The following MAP3K1 variants were observed in gnomAD, a reference collection of about 807,000 sequenced individuals.
MAP3K1 encodes the protein MAP/ERK kinase kinase 1.
In MAP3K1, 36 loss-of-function variants were observed where a neutral mutation model predicts 144.2. The observed-to-expected ratio is 0.25, with a 90% CI of 0.19 to 0.33. MAP3K1 has a LOEUF of 0.33. MAP3K1 is among the 10% of genes least tolerant of loss of function. The pLI, the probability that MAP3K1 is intolerant of heterozygous loss-of-function variation, is 1.00. For missense variants in MAP3K1, 1,650 were observed against 1,881.9 expected, an observed-to-expected ratio of 0.88 and a Z score of 2.28; for synonymous variants, 718 against 688.7, an observed-to-expected ratio of 1.04 and a Z score of -0.67.
chr5:56,895,230 T>G lies in MAP3K1; in HGVS notation c.*1550T>G, dbSNP rs898385826. 4.3e-6 allele frequency: 1 copy of G among 232,216 alleles called. No individual in the cohort carries two copies. The highest frequency in any genetic ancestry group is 2.2e-5 in the African/African-American group (1 of 45,316). The allele number at this position is 232,216 out of a possible 1,614,324, so 14.4% of individuals were successfully genotyped here. A position where few individuals can be genotyped will look rare whatever the true frequency, so the allele number is the denominator to read the frequency against. ...TTTTTAAAAGGCAGTTTGTTTTTTA[T>G]GTGAATATGTTTCTTAGTGAAATTT... On this transcript the variant is annotated 3_prime_UTR_variant, in exon 20 of 20. Coordinates refer to ENST00000399503, the MANE Select transcript of MAP3K1 (RefSeq NM_005921.2).
At chr5:56,875,451 G>A in intron 10 of MAP3K1, 141 bp downstream of exon 10, 2 of 851,156 alleles carry the variant, frequency 2.3e-6, no homozygotes, top group Non-Finnish European at 3.7e-6. Flanking sequence ...ATAATTCCAG[G>A]AAATTACAGC....
intron 10 of MAP3K1, among the ~76,000 whole-genome samples, chr5:56,876,987 C>A (rs1373646835): frequency 6.6e-6 from 1 of 152,176 alleles, no homozygotes; most frequent in Admixed American, 6.5e-5. Flanking sequence ...GATTGGTGAA[C>A]ACTGGATTAC....
chr5:56,821,079 G>A (rs1581203636), intron 1 of MAP3K1, among the ~76,000 whole-genome samples: 1 of 152,200 alleles, frequency 6.6e-6, no homozygotes, highest in East Asian at 1.9e-4. Flanking sequence ...AACTCTACTA[G>A]TTACGAAAAC....
chr5:56,829,349 A>AT (rs70999027), intron 1 of MAP3K1, among the ~76,000 whole-genome samples: 78,104 of 130,340 alleles, frequency 0.6, 25,177 homozygotes, highest in Non-Finnish European at 0.73. Flanking sequence ...TGCCCGGCAA[A>AT]TTTTTTTTTT....
rs372407041 is a variant in MAP3K1, at chr5:56,880,664, G to A, written c.2088-47G>A. The A allele has an allele frequency of 3.8e-6, 5 of 1,302,928 alleles. No homozygotes were observed. In the African/African-American group the frequency reaches 5.8e-5, roughly 15 times the overall value. 80.7% of individuals were successfully genotyped at this position (1,302,928 alleles called of 1,614,324 possible). ...CATTACTCCTCTAATATTGTATAGT[G>A]TTTTAGCCAAGATCCAGGATTGATG... On this transcript the variant is annotated intron_variant, in intron 11 of 19. Coordinates refer to ENST00000399503, the MANE Select transcript of MAP3K1 (RefSeq NM_005921.2).
At chr5:56,862,225 C>G (rs2111882792) in intron 3 of MAP3K1, 1 of 152,370 alleles carries the variant, frequency 6.6e-6, no homozygotes. Flanking sequence ...GTTGGCATCT[C>G]TTCCTCCTAG....
intron 3 of MAP3K1, among the ~76,000 whole-genome samples, chr5:56,861,111 GATA>G (rs1022009162): frequency 9.2e-5 from 14 of 152,124 alleles, no homozygotes; most frequent in African/African-American, 3.1e-4. Context: ...ATCAGTGTAT[GATA>G]ATAACAAAAT....
At chr5:56,843,325 G>A (rs1004259787) in intron 1 of MAP3K1, among the ~76,000 whole-genome samples, 5 of 152,112 alleles carry the variant, frequency 3.3e-5, no homozygotes, top group African/African-American at 7.2e-5. Context: ...CATTGGCCTC[G>A]CCCCCTCGGA....
intron 1 of MAP3K1, among the ~76,000 whole-genome samples, chr5:56,839,211 C>A (rs1002534197): frequency 1.3e-5 from 2 of 152,164 alleles, no homozygotes; most frequent in African/African-American, 2.4e-5. Flanking sequence ...AGCAAACACA[C>A]CAGTATCCGA....
chr5:56,877,489 T>A (rs2111928076), intron 10 of MAP3K1, among the ~76,000 whole-genome samples: 1 of 150,362 alleles, frequency 6.7e-6, no homozygotes, highest in African/African-American at 2.4e-5. Flanking sequence ...TGTCTCTTCC[T>A]TTTTTTCCTC....
At position 56,875,337 on chromosome 5, in the gene MAP3K1, T is replaced by C. The variant is rs751654051; in HGVS notation, c.1965+27T>C. ...TAAGTAGCTTTATTCCATAATCATATCATTATGGGTTTGGGGTTTTTTGAT... is the reference window on the plus strand; with the variant it reads ...TAAGTAGCTTTATTCCATAATCATACCATTATGGGTTTGGGGTTTTTTGAT... On this transcript the variant is annotated intron_variant, in intron 10 of 19. Coordinates refer to ENST00000399503, the MANE Select transcript of MAP3K1 (RefSeq NM_005921.2). 1.4e-5 allele frequency: 23 copies of C among 1,611,744 alleles called. No individual in the cohort carries two copies. In the East Asian group the frequency reaches 4.2e-4, roughly 30 times the overall value.
chr5:56,863,589 T>C lies in MAP3K1; in HGVS notation c.835-1145T>C, dbSNP rs532786906. On this transcript the variant is annotated intron_variant, in intron 3 of 19. Transcript: ENST00000399503. The stretch of plus-strand genomic sequence containing the variant: ...CCTGTTTGGTGGCTATTATGAATAA[T>C]GCTACTGTGAACATTTGTGTACAAG... Among the ~76,000 whole-genome samples the C allele has an allele frequency of 5.6e-4, 86 of 152,382 alleles. 1 individual carries two copies. Among genetic ancestry groups the C allele is most frequent in the African/African-American group, 1.7e-3 (72 of 41,594 alleles).
intron 15 of MAP3K1, among the ~76,000 whole-genome samples, chr5:56,884,029 G>T (rs1748304325): frequency 6.6e-6 from 1 of 152,010 alleles, no homozygotes; most frequent in South Asian, 2.1e-4. Flanking sequence ...GGCACCTGTA[G>T]TCCCAGCTAC....
chr5:56,875,131 C>T lies in MAP3K1; in HGVS notation c.1786C>T (p.Leu596=), dbSNP rs1244786957. 6.2e-7 allele frequency: 1 copy of T among 1,614,136 alleles called. No individual in the cohort carries two copies. The highest frequency in any genetic ancestry group is 8.5e-7 in the Non-Finnish European group (1 of 1,180,014). Residue 596 remains leucine, a synonymous_variant, in exon 10 of 20, where the codon CTG becomes TTG. Transcript: ENST00000399503. The part of the protein sequence containing the change: ...RLSHDVSGAL[L]LANGESTGNS... The stretch of plus-strand genomic sequence containing the variant: ...TTCCCATGATGTCAGTGGGGCCCTG[C>T]TGTTGGCAAATGGGGAGAGCACTGG...
intron 1 of MAP3K1, among the ~76,000 whole-genome samples, chr5:56,850,134 G>C (rs1011798731): frequency 2.0e-5 from 3 of 152,176 alleles, no homozygotes; most frequent in Admixed American, 1.3e-4. Flanking sequence ...TACACTTTAA[G>C]TGTCCCACAA....
intron 3 of MAP3K1, among the ~76,000 whole-genome samples, chr5:56,862,953 T>C (rs549931694): frequency 1.3e-5 from 2 of 152,342 alleles, no homozygotes; most frequent in Admixed American, 1.3e-4. Flanking sequence ...CAATAAGATA[T>C]CCTAGACCTA....
chr5:56,866,015 G>A (rs2111894586), intron 6 of MAP3K1, 38 bp downstream of exon 6: 1 of 1,511,352 alleles, frequency 6.6e-7, no homozygotes. Context: ...TTAATCCAGT[G>A]TTACTTTTAA....
At chr5:56,819,732 T>C (rs1418448236) in intron 1 of MAP3K1, among the ~76,000 whole-genome samples, 3 of 152,226 alleles carry the variant, frequency 2.0e-5, no homozygotes, top group Admixed American at 2.0e-4. Flanking sequence ...GAACTGCGTG[T>C]ATATTACACC....
rs2111724747 is a variant in MAP3K1, at chr5:56,815,578, C to T, written c.5C>T (p.Ala2Val). Residue 2 changes from alanine (A) to valine (V), a missense_variant, in exon 1 of 20, where the codon GCG becomes GTG. Ala to Val is a moderately conservative substitution (Grantham distance 64). Coordinates refer to ENST00000399503, the MANE Select transcript of MAP3K1 (RefSeq NM_005921.2). MAAAAGNRASSS... is the reference protein window; with the variant it reads MVAAAGNRASSS... ...GAATGTAGCCCGCGAGAGAAAATGG[C>T]GGCGGCGGCGGGGAATCGCGCCTCG... is the stretch of plus-strand genomic sequence containing the variant. 4 of 1,293,412 alleles carry T rather than the reference C, an allele frequency of 3.1e-6. No individual in the cohort carries two copies. The highest frequency in any genetic ancestry group is 2.3e-5 in the South Asian group (1 of 43,220). The allele number at this position is 1,293,412 out of a possible 1,614,324, so 80.1% of individuals were successfully genotyped here.
Sources: allele counts gnomAD v4.1 joint callset (sites outside exome capture counted in the v4.1 genomes callset), GRCh38; gene constraint gnomAD v4.1.1; transcripts MANE v1.5; gene names NCBI Gene and HGNC (gene_info 2026-07-23, HGNC 2026-07-21).